Variants in SCEL observed in about 807,000 individuals in gnomAD.
SCEL encodes sciellin.
A neutral mutation model predicts 117.6 loss-of-function variants in SCEL; 113 were observed. The ratio of observed to expected loss-of-function variants is 0.96; its 90% CI spans 0.83 to 1.12. The LOEUF (loss-of-function observed/expected upper bound fraction) is 1.12. Among genes scored for constraint, SCEL ranks in the 50% most tolerant of loss-of-function variants. The pLI is 0.00. For synonymous variants in SCEL, 270 were observed against 256.2 expected (o/e 1.05, Z -0.51); for missense variants, 785 against 810.8 (o/e 0.97, Z 0.39).
At chr13:77,624,295 G>C (rs555135165) in intron 27 of SCEL, among the ~76,000 whole-genome samples, 1 of 151,722 alleles carries the variant, frequency 6.6e-6, no homozygotes, top group African/African-American at 2.4e-5. Context: ...TAGTAGAGAC[G>C]GGGTTTCACC....
At chr13:77,618,926 A>G (rs942388239) in intron 27 of SCEL, among the ~76,000 whole-genome samples, 4 of 152,164 alleles carry the variant, frequency 2.6e-5, no homozygotes, top group African/African-American at 9.6e-5. Flanking sequence ...AATTTTAACC[A>G]TAAGCTTCCA....
intron 3 of SCEL, among the ~76,000 whole-genome samples, chr13:77,559,059 T>G (rs890406151): frequency 6.6e-6 from 1 of 152,042 alleles, no homozygotes; most frequent in Non-Finnish European, 1.5e-5. Context: ...CATATGAAGG[T>G]CGATTGTAGG....
At chr13:77,585,518 G>T (rs1178472360) in intron 9 of SCEL, among the ~76,000 whole-genome samples, 1 of 152,052 alleles carries the variant, frequency 6.6e-6, no homozygotes, top group East Asian at 1.9e-4. Flanking sequence ...TGGAAGCCAA[G>T]CATGTGCGCG....
intron 18 of SCEL, 86 bp downstream of exon 18, chr13:77,603,221 G>A (rs949859653): frequency 5.0e-5 from 37 of 740,566 alleles, no homozygotes; most frequent in East Asian, 1.6e-4. Context: ...CTTCATAATC[G>A]TGTTTTATTA....
At chr13:77,585,901 C>G (rs1206141724) in intron 9 of SCEL, among the ~76,000 whole-genome samples, 1 of 152,174 alleles carries the variant, frequency 6.6e-6, no homozygotes. Context: ...GCTTCCACAG[C>G]CTGTCTCTCA....
rs146729079 is a variant in SCEL, at chr13:77,618,650, A to G, written c.1628+590A>G. Among the ~76,000 whole-genome samples, 1,004 of 152,282 alleles carry G rather than the reference A, an allele frequency of 6.6e-3. 17 individuals carry two copies. Among genetic ancestry groups the G allele is most frequent in the African/African-American group, 0.022 (916 of 41,564 alleles). On this transcript the variant is annotated intron_variant, in intron 27 of 32. Coordinates refer to ENST00000349847, the MANE Select transcript of SCEL (RefSeq NM_144777.3). The stretch of plus-strand genomic sequence containing the variant: ...GCACTCTTCTGAAATCAATCGCACT[A>G]TTTTGAAATTAGTTCTGGGCTTCTT...
intron 3 of SCEL, among the ~76,000 whole-genome samples, chr13:77,559,448 T>C (rs1038850628): frequency 1.3e-5 from 2 of 152,222 alleles, no homozygotes; most frequent in East Asian, 1.9e-4. Context: ...TTTGACTTCA[T>C]GCCAAAAAGG....
At chr13:77,643,754 C>A (rs980862787) in intron 32 of SCEL, among the ~76,000 whole-genome samples, 1 of 152,044 alleles carries the variant, frequency 6.6e-6, no homozygotes, top group African/African-American at 2.4e-5. Flanking sequence ...GCTGCAGAAT[C>A]AATTACAAGA....
chr13:77,623,667 T>G (rs1214054457), intron 27 of SCEL, among the ~76,000 whole-genome samples: 1 of 152,206 alleles, frequency 6.6e-6, no homozygotes, highest in African/African-American at 2.4e-5. Flanking sequence ...GTTGGATTTT[T>G]AAGATTCTGG....
intron 27 of SCEL, among the ~76,000 whole-genome samples, chr13:77,620,790 A>C (rs1166489741): frequency 1.7e-5 from 1 of 60,222 alleles, no homozygotes; most frequent in African/African-American, 6.7e-5. Flanking sequence ...GGCATCTTTC[A>C]TCTAAAGTAG....
rs138873755 is a variant in SCEL, at chr13:77,599,011, C to T, written c.798-318C>T. On this transcript the variant is annotated intron_variant, in intron 13 of 32. Coordinates refer to ENST00000349847, the MANE Select transcript of SCEL (RefSeq NM_144777.3). Reference sequence around the variant, plus strand: ...AATTCAGGTTTCTGTGTGTCCTGACCATCATTGTAACATGGGCTCACTTTA... The same window carrying T: ...AATTCAGGTTTCTGTGTGTCCTGACTATCATTGTAACATGGGCTCACTTTA... Among the ~76,000 whole-genome samples the T allele has an allele frequency of 3.3e-5, 5 of 152,212 alleles. No individual in the cohort carries two copies. In the East Asian group the frequency reaches 9.7e-4, roughly 29 times the overall value.
intron 3 of SCEL, among the ~76,000 whole-genome samples, chr13:77,558,995 C>T (rs1318581245): frequency 6.6e-6 from 1 of 152,054 alleles, no homozygotes; most frequent in African/African-American, 2.4e-5. Context: ...CTGAAAGGGC[C>T]TGTACTTTCA....
chr13:77,545,867 G>A (rs1296524801), intron 1 of SCEL, among the ~76,000 whole-genome samples: 3 of 152,260 alleles, frequency 2.0e-5, no homozygotes, highest in Admixed American at 2.0e-4. Flanking sequence ...TGATTTGGCA[G>A]CTTGCATCTT....
chr13:77,553,940 C>T (rs759871901), intron 1 of SCEL, among the ~76,000 whole-genome samples: 2 of 152,076 alleles, frequency 1.3e-5, no homozygotes, highest in Non-Finnish European at 2.9e-5. Flanking sequence ...CCACTAAGAT[C>T]TTCAGACTCT....
In SCEL at chr13:77,608,980, A is replaced by G. The variant is rs993384579; in HGVS notation, c.1218-78A>G. 6.7e-5 allele frequency: 77 copies of G among 1,141,704 alleles called. No individual in the cohort carries two copies. The African/African-American group carries it at 1.0e-3, about 15-fold the overall frequency. 70.7% of individuals were successfully genotyped at this position (1,141,704 alleles called of 1,614,324 possible). Reference sequence around the variant, plus strand: ...CAGTAGTAAAATTTATCTTGAGTACATGTATCCTTTAAATCAAAACAGTCA... The same window carrying G: ...CAGTAGTAAAATTTATCTTGAGTACGTGTATCCTTTAAATCAAAACAGTCA... On this transcript the variant is annotated intron_variant, in intron 20 of 32. Transcript: ENST00000349847.
At chr13:77,620,029 A>G (rs1382644922) in intron 27 of SCEL, among the ~76,000 whole-genome samples, 1 of 152,202 alleles carries the variant, frequency 6.6e-6, no homozygotes, top group Non-Finnish European at 1.5e-5. Flanking sequence ...CCGTAGAAAG[A>G]CGACATTTTC....
At chr13:77,599,641 T>C (rs747151034) in intron 14 of SCEL, 48 bp from the exon 15 acceptor site, 45 of 1,363,488 alleles carry the variant, frequency 3.3e-5, no homozygotes, top group Admixed American at 5.0e-5. Context: ...TACCACACAA[T>C]TTCATTTCAG....
At chr13:77,569,159 C>G (rs1020262888) in intron 7 of SCEL, among the ~76,000 whole-genome samples, 1 of 152,154 alleles carries the variant, frequency 6.6e-6, no homozygotes, top group Admixed American at 6.5e-5. Flanking sequence ...TTATTCTATT[C>G]CTTTAGTTTT....
At chr13:77,618,923 A>G (rs2089252557) in intron 27 of SCEL, among the ~76,000 whole-genome samples, 1 of 152,180 alleles carries the variant, frequency 6.6e-6, no homozygotes, top group African/African-American at 2.4e-5. Context: ...ACCAATTTTA[A>G]CCATAAGCTT....
Sources: gnomAD v4.1 joint callset for allele counts (sites outside exome capture counted in the v4.1 genomes callset) on GRCh38, gnomAD v4.1.1 for gene constraint, MANE v1.5 for transcripts, NCBI Gene and HGNC (gene_info 2026-07-23, HGNC 2026-07-21) for gene names.